FANCG: variants seen among roughly 807,000 people sequenced by gnomAD.
FANCG encodes the protein FA complementation group G.
FANCG carries 67 observed loss-of-function variants against 73.3 expected under a neutral mutation model. The observed-to-expected ratio is 0.91, with a 90% confidence interval of 0.75 to 1.12. The LOEUF is 1.12. Among genes scored for constraint, FANCG ranks in the 50% most tolerant of loss-of-function variants. FANCG has a pLI of 0.00. For synonymous variants in FANCG, 297 were observed against 311.6 expected, an observed-to-expected ratio of 0.95 and a Z score of 0.49; for missense variants, 643 against 735.6, an observed-to-expected ratio of 0.87 and a Z score of 1.46.
rs1015283839 is a variant in FANCG at position 35,077,346 on chromosome 9, A to G, written c.564T>C (p.Ala188=). The part of the protein sequence containing the change: ...LLLLKTWSPP[A]EELDAPLTLQ... ...GGGTCAATGGAGCATCTAATTCCTCAGCTGGGGGACTCCAAGTTTTCAGAA... is the reference window on the plus strand; with the variant it reads ...GGGTCAATGGAGCATCTAATTCCTCGGCTGGGGGACTCCAAGTTTTCAGAA... The change falls in exon 5 of 14, where the codon GCT becomes GCC. Residue 188 remains alanine (A), a synonymous_variant. Coordinates refer to ENST00000378643, the MANE Select transcript of FANCG (RefSeq NM_004629.2). 2.5e-6 allele frequency: 4 copies of G among 1,614,150 alleles called. No homozygotes were observed. The Admixed American group carries it at 5.0e-5, about 20-fold the overall frequency.
At chr9:35,076,277 A>C in intron 8 of FANCG, 155 bp downstream of exon 8, 1 of 879,688 alleles carries the variant, frequency 1.1e-6, no homozygotes, top group Non-Finnish European at 1.9e-6. Flanking sequence ...TCCTCAGTTC[A>C]GGTCTAGAAG....
At position 35,078,206 on chromosome 9, in the gene FANCG, G is replaced by C; in HGVS notation, c.445C>G (p.Leu149Val). The change falls in exon 4 of 14, where the codon CTC (leucine) becomes GTC (valine). Residue 149 changes from leucine to valine, a missense_variant. Transcript: ENST00000378643. Reference protein sequence around the residue: ...LHRLVGLQAALWLSADRLGDL... With the variant: ...LHRLVGLQAAVWLSADRLGDL... Reference sequence around the variant, plus strand: ...CCAAGACGGTCAGCACTCAACCAGAGGGCAGCCTGCAGGCCAACCAGGCGG... The same window carrying C: ...CCAAGACGGTCAGCACTCAACCAGACGGCAGCCTGCAGGCCAACCAGGCGG... 6.2e-7 allele frequency: 1 copy of C among 1,614,204 alleles called. No homozygotes were observed. Among genetic ancestry groups the C allele is most frequent in the East Asian group, 2.2e-5 (1 of 44,878 alleles).
At chr9:35,078,835 A>G in intron 2 of FANCG, 99 bp from the exon 3 acceptor site, 1 of 1,463,980 alleles carries the variant, frequency 6.8e-7, no homozygotes, top group Non-Finnish European at 9.5e-7. Flanking sequence ...CAAAACAGCT[A>G]CAATAAAGAA....
chr9:35,077,019 A>G lies in FANCG; in HGVS notation c.729T>C (p.Pro243=), dbSNP rs199736443. 1.9e-5 allele frequency: 30 copies of G among 1,614,222 alleles called. No individual in the cohort carries two copies. The Admixed American group carries it at 2.5e-4, about 13-fold the overall frequency. Residue 243 remains proline (P), a synonymous_variant, in exon 6 of 14, where the codon CCT becomes CCC. Coordinates refer to ENST00000378643, the MANE Select transcript of FANCG (RefSeq NM_004629.2). The part of the protein sequence containing the change: ...HEAASGLCPR[P]VLVQVYTALG... ...GTGCTGTGTACACCTGGACCAACAC[A>G]GGCCGTGGACACAGGCCTGAGGCCG... is the stretch of plus-strand genomic sequence containing the variant.
chr9:35,074,493 A>G lies in FANCG; in HGVS notation c.1638T>C (p.Gly546=), dbSNP rs45537335. The G allele has an allele frequency of 3.2e-4, 515 of 1,613,952 alleles. 2 individuals are homozygous for G. In the African/African-American group the frequency reaches 5.5e-3, roughly 17 times the overall value. ...GCAGGTGAAAGTAAGTGTCTCGATTACCTGTAGCCCCAGCCCAGAGTACAG... is the reference window on the plus strand; with the variant it reads ...GCAGGTGAAAGTAAGTGTCTCGATTGCCTGTAGCCCCAGCCCAGAGTACAG... ...DFLLSVQMCP[G]NRDTYFHLLQ... Residue 546 remains glycine (G), a splice_region_variant and synonymous_variant, in exon 13 of 14, where the codon GGT becomes GGC. Coordinates refer to ENST00000378643, the MANE Select transcript of FANCG (RefSeq NM_004629.2).
In FANCG at chr9:35,075,682, G is replaced by C. The variant is rs748730134; in HGVS notation, c.1216C>G (p.Gln406Glu). The change falls in exon 10 of 14, where the codon CAG becomes GAG. Residue 406 changes from glutamine (Q) to glutamate (E), a missense_variant. Transcript: ENST00000378643. ...VFLEAAVALIQAGRAQDALTL... is the reference protein window; with the variant it reads ...VFLEAAVALIEAGRAQDALTL... The stretch of plus-strand genomic sequence containing the variant: ...AAGGCATCTTGGGCTCTGCCTGCCT[G>C]GATCAGTGCTACCGCTGCCTCCAAA... The C allele has an allele frequency of 6.2e-7, 1 of 1,600,238 alleles. No individual in the cohort carries two copies. Among genetic ancestry groups the C allele is most frequent in the Non-Finnish European group, 8.5e-7 (1 of 1,173,048 alleles).
chr9:35,077,557 C>T (rs1829109257), intron 4 of FANCG, among the ~76,000 whole-genome samples, 158 bp from the exon 5 acceptor site: 1 of 151,988 alleles, frequency 6.6e-6, no homozygotes, highest in African/African-American at 2.4e-5. Context: ...ATGCATAATG[C>T]CTGTAGTTTC....
In FANCG at chr9:35,076,428, T is replaced by G; in HGVS notation, c.1076+4A>C. On this transcript the variant is annotated splice_donor_region_variant and intron_variant, in intron 8 of 13. Transcript: ENST00000378643. ...GAAGCTCAGGTGAGCAAGGGGAACC[T>G]CACCTCCCCGTCTGTAGGCACCTGC... 6.2e-7 allele frequency: 1 copy of G among 1,613,742 alleles called. No homozygotes were observed. The highest frequency in any genetic ancestry group is 8.5e-7 in the Non-Finnish European group (1 of 1,179,982).
chr9:35,075,744 GGTGGGGA>G lies in FANCG; in HGVS notation c.1147_1153del (p.Ser383ProfsTer18). The G allele has an allele frequency of 3.5e-6, 2 of 565,762 alleles. No homozygotes were observed. The highest frequency in any genetic ancestry group is 6.6e-6 in the Non-Finnish European group (2 of 303,862). The allele number at this position is 565,762 out of a possible 1,614,324, so 35.0% of individuals were successfully genotyped here. On this transcript the variant is annotated frameshift_variant, in exon 10 of 14. Transcript: ENST00000378643. LOFTEE classifies it high-confidence loss of function. ...CATACAGGGCCCTGGAGGGGAGGGG[GGTGGGGA>G]GAACTGGAGTGGGAAGAAGAAGCAG...
chr9:35,075,755 C>A lies in FANCG; in HGVS notation c.1144-1G>T, dbSNP rs755363896. ...CTGGAGGGGAGGGGGGTGGGGAGAACTGGAGTGGGAAGAAGAAGCAGTGTC... is the reference window on the plus strand; with the variant it reads ...CTGGAGGGGAGGGGGGTGGGGAGAAATGGAGTGGGAAGAAGAAGCAGTGTC... On this transcript the variant is annotated splice_acceptor_variant, in intron 9 of 13. Transcript: ENST00000378643. LOFTEE classifies it high-confidence loss of function. 12 of 1,563,838 alleles carry A rather than the reference C, an allele frequency of 7.7e-6. No homozygotes were observed. The highest frequency in any genetic ancestry group is 9.7e-6 in the Non-Finnish European group (11 of 1,136,510).
Position 35,078,302 on chromosome 9 carries a change from C to T in FANCG, c.349G>A (p.Gly117Arg), listed in dbSNP as rs2131058576. The change falls in exon 4 of 14, where the codon GGG becomes AGG. Residue 117 changes from glycine to arginine, a missense_variant. Transcript: ENST00000378643. ...ACAGAGTCCCACAGCTCCCTGAGCC[C>T]CTGTTCCAACCTGGGCCCCTGCTGC... ...QEQQGPRLEQ[G>R]LRELWDSVLR... The T allele has an allele frequency of 6.2e-7, 1 of 1,613,916 alleles. No homozygotes were observed. Among genetic ancestry groups the T allele is most frequent in the South Asian group, 1.1e-5 (1 of 91,078 alleles).
Position 35,075,315 on chromosome 9 carries a change from G to C in FANCG, c.1444C>G (p.Leu482Val). 6.2e-7 allele frequency: 1 copy of C among 1,614,138 alleles called. No individual in the cohort carries two copies. Among genetic ancestry groups the C allele is most frequent in the Non-Finnish European group, 8.5e-7 (1 of 1,180,032 alleles). Residue 482 changes from leucine to valine, a missense_variant, in exon 11 of 14, where the codon CTG (leucine) becomes GTG (valine). By Grantham distance (32) the Leu-to-Val change is conservative. Coordinates refer to ENST00000378643, the MANE Select transcript of FANCG (RefSeq NM_004629.2). Reference sequence around the variant, plus strand: ...TCCTCAGGTGTGGCCCGGAAGAGCAGCTCGAGGCACCTGAAGTAGGACACA... The same window carrying C: ...TCCTCAGGTGTGGCCCGGAAGAGCACCTCGAGGCACCTGAAGTAGGACACA... ...AISEFSRCLE[L>V]LFRATPEEKE...
chr9:35,078,220 C>T lies in FANCG; in HGVS notation c.431G>A (p.Gly144Asp), dbSNP rs767880403. Residue 144 changes from glycine (G) to aspartate (D), a missense_variant, in exon 4 of 14, where the codon GGC becomes GAC. Transcript: ENST00000378643. ...ELLSALHRLV[G>D]LQAALWLSAD... is the part of the protein sequence containing the mutation. ...ACTCAACCAGAGGGCAGCCTGCAGG[C>T]CAACCAGGCGGTGCAGGGCAGACAG... is the stretch of plus-strand genomic sequence containing the variant. The T allele has an allele frequency of 3.1e-6, 5 of 1,614,176 alleles. No homozygotes were observed. The Admixed American group carries it at 8.3e-5, about 27-fold the overall frequency.
At chr9:35,079,123 C>A in intron 2 of FANCG, 28 bp downstream of exon 2, 5 of 1,572,584 alleles carry the variant, frequency 3.2e-6, no homozygotes, top group Non-Finnish European at 4.3e-6. Context: ...AAGAGGGGAA[C>A]TGACCATCCT....
Position 35,079,662 on chromosome 9 carries a change from C to A in FANCG, c.-138G>T, listed in dbSNP as rs1829147710. 1 of 822,758 alleles carries A rather than the reference C, an allele frequency of 1.2e-6. No homozygotes were observed. The highest frequency in any genetic ancestry group is 2.0e-6 in the Non-Finnish European group (1 of 492,218). 51.0% of individuals were successfully genotyped at this position (822,758 alleles called of 1,614,324 possible). A position where few individuals can be genotyped will look rare whatever the true frequency, so the allele number is the denominator to read the frequency against. On this transcript the variant is annotated 5_prime_UTR_variant, in exon 1 of 14. Transcript: ENST00000378643. ...AGCTCCCCTGCTTCTCTCGGGGTCCCAATCCACCCGCCCAGGCTTTCCAGG... is the reference window on the plus strand; with the variant it reads ...AGCTCCCCTGCTTCTCTCGGGGTCCAAATCCACCCGCCCAGGCTTTCCAGG...
At chr9:35,075,895 T>C (rs1301599025) in intron 9 of FANCG, 67 bp downstream of exon 9, 2 of 1,583,356 alleles carry the variant, frequency 1.3e-6, no homozygotes, top group East Asian at 4.5e-5. Context: ...AATTGCAGTC[T>C]TGCTGTATTT....
At chr9:35,074,896 T>C (rs1410904994) in intron 12 of FANCG, 31 bp downstream of exon 12, 2 of 1,613,756 alleles carry the variant, frequency 1.2e-6, no homozygotes, top group Non-Finnish European at 1.7e-6. Context: ...TGCACATCTA[T>C]GCATAGCCGA....
chr9:35,074,721 T>A, intron 12 of FANCG: 2 of 857,562 alleles, frequency 2.3e-6, no homozygotes, highest in Non-Finnish European at 3.7e-6. Context: ...TCTGAGGATA[T>A]CGGGGAAACC....
In FANCG at chr9:35,074,095, C is replaced by T. The variant is rs1811139556; in HGVS notation, c.*13G>A. On this transcript the variant is annotated 3_prime_UTR_variant, in exon 14 of 14. Coordinates refer to ENST00000378643, the MANE Select transcript of FANCG (RefSeq NM_004629.2). ...CACTGGGGACCCAGCTCAAGCTCTTCAAAACGTGGCAGCTACAGGTCACAA... is the reference window on the plus strand; with the variant it reads ...CACTGGGGACCCAGCTCAAGCTCTTTAAAACGTGGCAGCTACAGGTCACAA... 2 of 1,609,084 alleles carry T rather than the reference C, an allele frequency of 1.2e-6. No individual in the cohort carries two copies. Among genetic ancestry groups the T allele is most frequent in the East Asian group, 2.2e-5 (1 of 44,850 alleles).
Sources: gnomAD v4.1 joint callset for allele counts (sites outside exome capture counted in the v4.1 genomes callset) on GRCh38, gnomAD v4.1.1 for gene constraint, MANE v1.5 for transcripts, NCBI Gene and HGNC (gene_info 2026-07-23, HGNC 2026-07-21) for gene names.